NDRG1: variants seen among roughly 807,000 people sequenced by gnomAD.
NDRG1 encodes protein NDRG1.
A neutral mutation model predicts 56.9 loss-of-function variants in NDRG1; 32 were observed. The ratio of observed to expected loss-of-function variants is 0.56; its 90% CI spans 0.42 to 0.76. NDRG1 has a LOEUF of 0.76. NDRG1 is among the 30% of genes least tolerant of loss of function. The pLI is 0.00. For missense variants in NDRG1, 507 were observed against 545.7 expected (o/e 0.93, Z 0.71); for synonymous variants, 211 against 204.1 (o/e 1.03, Z -0.29).
At position 133,280,243 on chromosome 8, in the gene NDRG1, A is replaced by C. The variant is rs760737459; in HGVS notation, c.88T>G (p.Phe30Val). 2.5e-6 allele frequency: 4 copies of C among 1,613,920 alleles called. No individual in the cohort carries two copies. The highest frequency in any genetic ancestry group is 2.2e-5 in the East Asian group (1 of 44,874). The change falls in exon 3 of 16, where the codon TTT (phenylalanine) becomes GTT (valine). Residue 30 changes from phenylalanine (F) to valine (V), a missense_variant. Transcript: ENST00000323851. The stretch of plus-strand genomic sequence containing the variant: ...CATCCTCTACTTGCCTGGACATCAA[A>C]CTCTTGCAGGAGGCCGGTGATGGTC... ...GETITGLLQE[F>V]DVQEQDIETL...
At chr8:133,242,204 C>T in intron 14 of NDRG1, 130 bp from the exon 15 acceptor site, 1 of 874,684 alleles carries the variant, frequency 1.1e-6, no homozygotes, top group Non-Finnish European at 1.9e-6. Context: ...CACGTGTTGA[C>T]AGGACAAAAC....
intron 1 of NDRG1, chr8:133,296,688 GACACAGACACACACACAC>G (rs1385793682): frequency 1.6e-5 from 5 of 312,242 alleles, no homozygotes; most frequent in African/African-American, 1.2e-4. Context: ...TCCGTTCCCA[GACACAGACACACACACAC>G]ACACACACAC....
intron 3 of NDRG1, among the ~76,000 whole-genome samples, chr8:133,265,555 G>A (rs1312806668): frequency 6.6e-6 from 1 of 152,046 alleles, no homozygotes; most frequent in Non-Finnish European, 1.5e-5. Context: ...CCTTCTTGTT[G>A]AGCCAGATGG....
At chr8:133,258,267 T>A (rs915599293) in intron 7 of NDRG1, 99 bp downstream of exon 7, 5 of 1,264,632 alleles carry the variant, frequency 4.0e-6, no homozygotes, top group Non-Finnish European at 5.6e-6. Flanking sequence ...TACGGGTCAT[T>A]TCTTTTTCCC....
chr8:133,244,685 A>G, intron 13 of NDRG1: 2 of 536,874 alleles, frequency 3.7e-6, no homozygotes, highest in South Asian at 4.2e-5. Flanking sequence ...CAGCTGTCCC[A>G]TTTTACAGGC....
chr8:133,296,014 G>A (rs1284497955), intron 1 of NDRG1, among the ~76,000 whole-genome samples: 1 of 152,130 alleles, frequency 6.6e-6, no homozygotes, highest in African/African-American at 2.4e-5. Context: ...ACAACAGGCG[G>A]GGGATATGGG....
At chr8:133,258,279 T>G in intron 7 of NDRG1, 87 bp downstream of exon 7, 2 of 1,360,820 alleles carry the variant, frequency 1.5e-6, no homozygotes, top group African/African-American at 1.4e-5. Context: ...CTTTTTCCCT[T>G]TTGGGTTTTT....
At chr8:133,281,574 C>A (rs541031047) in intron 2 of NDRG1, among the ~76,000 whole-genome samples, 1 of 139,324 alleles carries the variant, frequency 7.2e-6, no homozygotes, top group Non-Finnish European at 1.6e-5. Flanking sequence ...GGAGTCCCAA[C>A]ACTGTGAAAA....
chr8:133,285,499 A>G (rs766215579), intron 1 of NDRG1, among the ~76,000 whole-genome samples: 8 of 152,218 alleles, frequency 5.3e-5, no homozygotes, highest in Non-Finnish European at 1.0e-4. Context: ...AATGGTCGAG[A>G]GAATGCAAGC....
At chr8:133,262,483 T>C (rs531731693) in intron 4 of NDRG1, among the ~76,000 whole-genome samples, 2 of 152,246 alleles carry the variant, frequency 1.3e-5, no homozygotes, top group East Asian at 3.9e-4. Context: ...AGGATGGCCC[T>C]GGCATGAGAT....
chr8:133,263,556 T>C (rs1251861534), intron 4 of NDRG1, among the ~76,000 whole-genome samples: 1 of 152,192 alleles, frequency 6.6e-6, no homozygotes, highest in East Asian at 1.9e-4. Context: ...GAATTCACAG[T>C]CTAAACATTC....
chr8:133,244,764 G>A, intron 13 of NDRG1: 1 of 385,424 alleles, frequency 2.6e-6, no homozygotes, highest in South Asian at 2.9e-5. Flanking sequence ...GACCCGAAAG[G>A]GTTTGATAAA....
chr8:133,279,354 C>T (rs1857648846), intron 3 of NDRG1, among the ~76,000 whole-genome samples: 1 of 152,206 alleles, frequency 6.6e-6, no homozygotes, highest in Admixed American at 6.5e-5. Context: ...AAAGACAGTG[C>T]AAGATTCCTC....
At chr8:133,263,769 A>C (rs1586449604) in intron 4 of NDRG1, among the ~76,000 whole-genome samples, 1 of 152,192 alleles carries the variant, frequency 6.6e-6, no homozygotes, top group South Asian at 2.1e-4. Flanking sequence ...TACAAAAATT[A>C]GTCAGGCGTG....
chr8:133,244,318 G>A (rs750600367), intron 14 of NDRG1, 37 bp downstream of exon 14: 73 of 1,613,340 alleles, frequency 4.5e-5, no homozygotes, highest in South Asian at 1.3e-4. Context: ...AGGGGGAAGC[G>A]ACAGCTGTAT....
Position 133,256,861 on chromosome 8 carries a change from T to C in NDRG1, c.453A>G (p.Leu151=), listed in dbSNP as rs776744445. The C allele has an allele frequency of 2.1e-5, 34 of 1,613,834 alleles. 1 individual carries two copies. The South Asian group carries it at 3.4e-4, about 16-fold the overall frequency. The change falls in exon 8 of 16, where the codon CTA becomes CTG. Residue 151 remains leucine (L), a splice_region_variant and synonymous_variant. Transcript: ENST00000323851. ...AGAYILTRFA[L]NNPEMVEGLV... The stretch of plus-strand genomic sequence containing the variant: ...GGCCCTCCACCATCTCAGGGTTGTT[T>C]AGCTGCAATTCAAGACACAAAGTGA...
chr8:133,282,468 T>C (rs1406119225), intron 2 of NDRG1, among the ~76,000 whole-genome samples: 1 of 152,202 alleles, frequency 6.6e-6, no homozygotes, highest in Non-Finnish European at 1.5e-5. Context: ...AAATGTCAAG[T>C]GAATAAAGCA....
intron 1 of NDRG1, among the ~76,000 whole-genome samples, chr8:133,285,552 T>TCC: frequency 6.6e-6 from 1 of 152,132 alleles, no homozygotes; most frequent in Admixed American, 6.5e-5. Context: ...ACCCAGGAAC[T>TCC]CCCAAGAACC....
rs1327406568 is a variant in NDRG1, at chr8:133,262,204, T to C, written c.206-37A>G. The C allele has an allele frequency of 1.2e-5, 20 of 1,613,284 alleles. No homozygotes were observed. In the Admixed American group the frequency reaches 2.8e-4, roughly 23 times the overall value. ...CAGTGAGGGAGAGAAGAGAAAAAAG[T>C]AAGATGAGAAAAAAATTAGGTGTCT... On this transcript the variant is annotated intron_variant, in intron 4 of 15. Coordinates refer to ENST00000323851, the MANE Select transcript of NDRG1 (RefSeq NM_006096.4).
Sources: allele counts gnomAD v4.1 joint callset (sites outside exome capture counted in the v4.1 genomes callset), GRCh38; gene constraint gnomAD v4.1.1; transcripts MANE v1.5; gene names NCBI Gene and HGNC (gene_info 2026-07-23, HGNC 2026-07-21).